The following HAUS8 variants were observed in gnomAD, a reference collection of about 807,000 sequenced individuals.
HAUS8 encodes HAUS augmin like complex subunit 8, also known as HAUS augmin-like complex subunit 8.
Under a neutral mutation model 42.9 loss-of-function variants are expected in HAUS8, and 38 were observed. The observed-to-expected ratio is 0.89, with a 90% CI of 0.68 to 1.16. The LOEUF is 1.16. Among genes scored for constraint, HAUS8 ranks in the 50% most tolerant of loss-of-function variants. The pLI is 0.00. For synonymous variants in HAUS8, 199 were observed against 205.8 expected (o/e 0.97, Z 0.28); for missense variants, 494 against 511.6 (o/e 0.97, Z 0.33).
intron 10 of HAUS8, 47 bp downstream of exon 10, chr19:17,052,777 CT>C (rs756662902): frequency 5.6e-5 from 90 of 1,610,986 alleles, no homozygotes; most frequent in Non-Finnish European, 7.5e-5. Flanking sequence ...ACCAACAGCC[CT>C]GAGCAAACAG....
intron 2 of HAUS8, among the ~76,000 whole-genome samples, chr19:17,071,777 A>T (rs1293027460): frequency 6.6e-6 from 1 of 152,134 alleles, no homozygotes; most frequent in East Asian, 1.9e-4. Flanking sequence ...TGGACGGATC[A>T]CTTGAGGTCA....
At chr19:17,075,502 T>A, upstream of HAUS8, 1 of 1,511,868 alleles carries the variant, frequency 6.6e-7, no homozygotes, top group Admixed American at 1.7e-5. Flanking sequence ...GTCGGACCAT[T>A]TGTGGAGACG....
In HAUS8 at chr19:17,059,589, T is replaced by C. The variant is rs955183049; in HGVS notation, c.388A>G (p.Thr130Ala). ...TTTTTCCGAGGGGCAGAAAATGATG[T>C]TGACTCAGGTTTCTTTGATATTGTT... ...AKTISKKPES[T>A]SFSAPRKKSP... is the part of the protein sequence containing the mutation. The change falls in exon 6 of 11, where the codon ACA becomes GCA. Residue 130 changes from threonine (T) to alanine (A), a missense_variant. Physicochemically the swap from Thr to Ala is moderately conservative, Grantham distance 58. Transcript: ENST00000253669. The C allele has an allele frequency of 1.2e-6, 2 of 1,613,994 alleles. No individual in the cohort carries two copies. The highest frequency in any genetic ancestry group is 1.7e-6 in the Non-Finnish European group (2 of 1,179,902).
chr19:17,054,770 C>T (rs2057309606), intron 9 of HAUS8, among the ~76,000 whole-genome samples: 1 of 151,902 alleles, frequency 6.6e-6, no homozygotes, highest in Non-Finnish European at 1.5e-5. Context: ...CATTGCACTC[C>T]AGCCTGGGCA....
At chr19:17,069,156 C>G in intron 2 of HAUS8, 70 bp from the exon 3 acceptor site, 1 of 1,402,002 alleles carries the variant, frequency 7.1e-7, no homozygotes, top group South Asian at 1.2e-5. Flanking sequence ...CCAGACCCCA[C>G]GCCCCGGAGA....
intron 2 of HAUS8, among the ~76,000 whole-genome samples, chr19:17,069,600 G>C (rs2057409020): frequency 8.0e-6 from 1 of 125,574 alleles, no homozygotes; most frequent in South Asian, 3.1e-4. Context: ...CAAATCCCTA[G>C]TGACAGCCCA....
intron 2 of HAUS8, among the ~76,000 whole-genome samples, chr19:17,071,678 T>C (rs949057784): frequency 1.3e-5 from 2 of 152,148 alleles, no homozygotes; most frequent in African/African-American, 2.4e-5. Flanking sequence ...TCAAGTTTCC[T>C]GAAAACTAGG....
upstream of HAUS8, chr19:17,075,514 A>C: frequency 2.1e-6 from 3 of 1,423,294 alleles, no homozygotes; most frequent in South Asian, 2.3e-5. Flanking sequence ...GTGGAGACGC[A>C]GGAGGGGTGG....
At chr19:17,056,187 G>A (rs1243786357) in intron 8 of HAUS8, among the ~76,000 whole-genome samples, 185 bp from the exon 9 acceptor site, 2 of 152,208 alleles carry the variant, frequency 1.3e-5, no homozygotes, top group African/African-American at 2.4e-5. Flanking sequence ...TGGATGGCAA[G>A]GCGGCCCAGG....
Position 17,054,143 on chromosome 19 carries a change from G to A in HAUS8, c.788-1177C>T, listed in dbSNP as rs140167549. Among the ~76,000 whole-genome samples the A allele has an allele frequency of 3.7e-3, 557 of 152,138 alleles. 3 individuals are homozygous for A. Among genetic ancestry groups the A allele is most frequent in the African/African-American group, 0.013 (532 of 41,508 alleles). ...CCTGGAGGGAGCCAATCCCATCAAC[G>A]CCTTGATTTCAGACTTCTGGCTGAA... is the stretch of plus-strand genomic sequence containing the variant. On this transcript the variant is annotated intron_variant, in intron 9 of 10. Coordinates refer to ENST00000253669, the MANE Select transcript of HAUS8 (RefSeq NM_033417.2).
Position 17,059,656 on chromosome 19 carries a change from G to A in HAUS8, c.326-5C>T, listed in dbSNP as rs748052995. 3 of 1,603,600 alleles carry A rather than the reference G, an allele frequency of 1.9e-6. No individual in the cohort carries two copies. Among genetic ancestry groups the A allele is most frequent in the African/African-American group, 2.7e-5 (2 of 74,528 alleles). On this transcript the variant is annotated splice_region_variant and splice_polypyrimidine_tract_variant and intron_variant, in intron 5 of 10. Coordinates refer to ENST00000253669, the MANE Select transcript of HAUS8 (RefSeq NM_033417.2). ...TCTTTTTGACGATGCTTTTGTCTAA[G>A]ATAAAGCACAGCATTTTTAATGGCA...
chr19:17,075,228 A>T, intron 1 of HAUS8, 166 bp downstream of exon 1: 2 of 731,306 alleles, frequency 2.7e-6, no homozygotes, highest in South Asian at 3.2e-5. Flanking sequence ...AGCGCTCCGG[A>T]GCATGCGCAG....
At chr19:17,067,105 T>C (rs922101512) in intron 3 of HAUS8, among the ~76,000 whole-genome samples, 2 of 149,782 alleles carry the variant, frequency 1.3e-5, no homozygotes, top group African/African-American at 4.9e-5. Context: ...CTCGGGAGGC[T>C]GAGGAAGGAG....
intron 8 of HAUS8, among the ~76,000 whole-genome samples, chr19:17,056,485 C>G (rs1308982378): frequency 1.3e-5 from 2 of 152,126 alleles, no homozygotes; most frequent in Non-Finnish European, 2.9e-5. Flanking sequence ...CTGACTGAAA[C>G]CTTACTGATA....
rs752162479 is a variant in HAUS8 at position 17,058,589 on chromosome 19, G to A, written c.605C>T (p.Ser202Phe). ...ATCTGCCAGCTCCCGCTTCCTCTGA[G>A]AGAGGAGAAGCCTGCGCTTCAGCTC... is the stretch of plus-strand genomic sequence containing the variant. Reference protein sequence around the residue: ...AHELKRRLLLSQRKRELADVL... With the variant: ...AHELKRRLLLFQRKRELADVL... Residue 202 changes from serine to phenylalanine, a missense_variant, in exon 8 of 11, where the codon TCT becomes TTT. Coordinates refer to ENST00000253669, the MANE Select transcript of HAUS8 (RefSeq NM_033417.2). 1.6e-5 allele frequency: 26 copies of A among 1,610,830 alleles called. No individual in the cohort carries two copies. The East Asian group carries it at 5.8e-4, about 36-fold the overall frequency.
chr19:17,055,818 C>T (rs1439293276), intron 9 of HAUS8, 43 bp downstream of exon 9: 9 of 1,577,016 alleles, frequency 5.7e-6, no homozygotes, highest in South Asian at 1.1e-5. Context: ...ACACGCTCCT[C>T]GCCCCGCCTG....
At chr19:17,065,785 C>T (rs1454127946) in intron 3 of HAUS8, among the ~76,000 whole-genome samples, 1 of 150,296 alleles carries the variant, frequency 6.7e-6, no homozygotes. Flanking sequence ...GATCGCACCA[C>T]TGCATTCCAG....
At chr19:17,052,518 C>T (rs1284136958) in intron 10 of HAUS8, 2 of 229,490 alleles carry the variant, frequency 8.7e-6, no homozygotes, top group South Asian at 6.9e-5. Context: ...TTTGAGGTTG[C>T]AGTGAGCTGA....
chr19:17,052,670 T>A (rs1378707368), intron 10 of HAUS8, 155 bp downstream of exon 10: 7 of 747,140 alleles, frequency 9.4e-6, no homozygotes, highest in Non-Finnish European at 1.6e-5. Context: ...TGGCCATTCT[T>A]GTATCATGCA....
Sources: gnomAD v4.1 joint callset for allele counts (sites outside exome capture counted in the v4.1 genomes callset) on GRCh38, gnomAD v4.1.1 for gene constraint, MANE v1.5 for transcripts, NCBI Gene and HGNC (gene_info 2026-07-23, HGNC 2026-07-21) for gene names.